Variants in KCNT2 observed in about 807,000 individuals in gnomAD.
The protein encoded by KCNT2 is potassium sodium-activated channel subfamily T member 2.
In KCNT2, 67 loss-of-function variants were observed where a neutral mutation model predicts 153.8. That is an observed-to-expected ratio of 0.44 (90% CI 0.36 to 0.53). KCNT2 has a LOEUF of 0.53. Ranked by LOEUF, KCNT2 falls within the 20% of genes least tolerant of loss-of-function variation. KCNT2 has a pLI of 0.00. For missense variants in KCNT2, 975 were observed against 1,354.8 expected (o/e 0.72, Z 4.40); for synonymous variants, 500 against 458.8 (o/e 1.09, Z -1.15).
At chr1:196,335,056 T>C (rs1664883885) in intron 16 of KCNT2, among the ~76,000 whole-genome samples, 1 of 152,150 alleles carries the variant, frequency 6.6e-6, no homozygotes, top group Admixed American at 6.6e-5. Context: ...AATGTAAAAA[T>C]TAATTTTAAT....
intron 8 of KCNT2, among the ~76,000 whole-genome samples, chr1:196,453,715 G>T (rs1238298947): frequency 6.6e-6 from 1 of 151,884 alleles, no homozygotes; most frequent in African/African-American, 2.4e-5. Flanking sequence ...ACTCCTTAGA[G>T]CCTTCTTTCA....
chr1:196,325,824 G>C (rs111925322), intron 19 of KCNT2, among the ~76,000 whole-genome samples: 1 of 152,156 alleles, frequency 6.6e-6, no homozygotes, highest in African/African-American at 2.4e-5. Flanking sequence ...GCATCAATAA[G>C]TATTTTGATG....
At chr1:196,299,150 C>T (rs938918484) in intron 22 of KCNT2, among the ~76,000 whole-genome samples, 7 of 151,940 alleles carry the variant, frequency 4.6e-5, no homozygotes, top group Non-Finnish European at 7.4e-5. Context: ...GAAAATGAGA[C>T]AAAAATTTCC....
At chr1:196,382,046 GA>G (rs1358001394) in intron 13 of KCNT2, among the ~76,000 whole-genome samples, 1 of 146,820 alleles carries the variant, frequency 6.8e-6, no homozygotes, top group Non-Finnish European at 1.5e-5. Flanking sequence ...CTGAGGGAAT[GA>G]AAAAAGCCTC....
chr1:196,426,604 A>G lies in KCNT2; in HGVS notation c.985-616T>C, dbSNP rs971125353. Among the ~76,000 whole-genome samples the G allele has an allele frequency of 4.6e-5, 7 of 152,104 alleles. No homozygotes were observed. In the East Asian group the frequency reaches 1.2e-3, roughly 25 times the overall value. On this transcript the variant is annotated intron_variant, in intron 10 of 27. Transcript: ENST00000294725. The stretch of plus-strand genomic sequence containing the variant: ...GAAACAGTTTAAACCAATGATTTAT[A>G]GAAATTAAAATTCTCTGGTAAACAT...
intron 17 of KCNT2, among the ~76,000 whole-genome samples, chr1:196,331,893 A>G (rs1664501331): frequency 6.6e-6 from 1 of 152,144 alleles, no homozygotes; most frequent in Admixed American, 6.6e-5. Context: ...TTGTAATCAT[A>G]CTTAAAACAT....
At chr1:196,466,120 T>C (rs1308999731) in intron 7 of KCNT2, among the ~76,000 whole-genome samples, 2 of 152,092 alleles carry the variant, frequency 1.3e-5, no homozygotes, top group Non-Finnish European at 2.9e-5. Flanking sequence ...AAATGAATCA[T>C]AAATTAATAT....
At chr1:196,479,756 C>A (rs1678853373) in intron 4 of KCNT2, among the ~76,000 whole-genome samples, 1 of 152,128 alleles carries the variant, frequency 6.6e-6, no homozygotes, top group South Asian at 2.1e-4. Flanking sequence ...GACTGTCCAC[C>A]ACAGATAACC....
At chr1:196,462,513 C>T (rs1188811548) in intron 8 of KCNT2, among the ~76,000 whole-genome samples, 4 of 151,282 alleles carry the variant, frequency 2.6e-5, no homozygotes, top group African/African-American at 9.7e-5. Flanking sequence ...TAAAAGGATA[C>T]TATGTTTAGA....
chr1:196,603,245 A>G (rs1347315022), intron 1 of KCNT2, among the ~76,000 whole-genome samples: 3 of 152,200 alleles, frequency 2.0e-5, no homozygotes, highest in Admixed American at 6.5e-5. Flanking sequence ...TAGATATTGT[A>G]TATGCATAGT....
intron 25 of KCNT2, among the ~76,000 whole-genome samples, chr1:196,275,026 T>G (rs1181659737): frequency 6.6e-6 from 1 of 151,876 alleles, no homozygotes; most frequent in African/African-American, 2.4e-5. Context: ...ATTTCTGCAA[T>G]GAAAAGTATA....
At chr1:196,488,250 T>A (rs957686876) in intron 3 of KCNT2, among the ~76,000 whole-genome samples, 1 of 152,036 alleles carries the variant, frequency 6.6e-6, no homozygotes. Context: ...CTTTGCTTAA[T>A]TAGCCTCATT....
At chr1:196,491,951 C>A (rs968890835) in intron 2 of KCNT2, among the ~76,000 whole-genome samples, 1 of 151,928 alleles carries the variant, frequency 6.6e-6, no homozygotes, top group African/African-American at 2.4e-5. Context: ...TGGAAGGACC[C>A]TCATTTAAAT....
intron 1 of KCNT2, among the ~76,000 whole-genome samples, chr1:196,543,020 A>C (rs1015757948): frequency 1.3e-5 from 2 of 152,154 alleles, no homozygotes; most frequent in African/African-American, 4.8e-5. Flanking sequence ...TAGTGTTAGC[A>C]ACATAAATAA....
At chr1:196,420,009 A>G (rs371156603) in intron 12 of KCNT2, among the ~76,000 whole-genome samples, 4 of 151,954 alleles carry the variant, frequency 2.6e-5, no homozygotes, top group African/African-American at 9.7e-5. Context: ...TTAAATTCCT[A>G]CTATATTGAT....
At chr1:196,281,618 A>T (rs1450206737) in intron 24 of KCNT2, among the ~76,000 whole-genome samples, 18 of 152,284 alleles carry the variant, frequency 1.2e-4, no homozygotes, top group Non-Finnish European at 1.5e-5. Context: ...CTGTTACCAA[A>T]TCATTTCATT....
intron 8 of KCNT2, among the ~76,000 whole-genome samples, chr1:196,450,366 A>T (rs1006785300): frequency 1.3e-5 from 2 of 151,894 alleles, no homozygotes; most frequent in Non-Finnish European, 2.9e-5. Flanking sequence ...TTTACACATT[A>T]ATCCTAATCC....
chr1:196,481,912 T>C (rs906330676), intron 4 of KCNT2, among the ~76,000 whole-genome samples: 2 of 152,198 alleles, frequency 1.3e-5, no homozygotes, highest in African/African-American at 4.8e-5. Context: ...TTTCATTTGT[T>C]CATTCATTAA....
intron 1 of KCNT2, among the ~76,000 whole-genome samples, chr1:196,522,866 A>G (rs1421928816): frequency 6.6e-6 from 1 of 152,132 alleles, no homozygotes; most frequent in Admixed American, 6.5e-5. Context: ...ACCAATCAGC[A>G]CTCTGTAAAA....
Sources: gnomAD v4.1 joint callset for allele counts (sites outside exome capture counted in the v4.1 genomes callset) on GRCh38, gnomAD v4.1.1 for gene constraint, MANE v1.5 for transcripts, NCBI Gene and HGNC (gene_info 2026-07-23, HGNC 2026-07-21) for gene names.